Variants in CHL1 observed in about 807,000 individuals in gnomAD.
CHL1 encodes the protein neural cell adhesion molecule L1-like protein.
A neutral mutation model predicts 141.9 loss-of-function variants in CHL1; 96 were observed. That is an observed-to-expected ratio of 0.68 (90% confidence interval 0.57 to 0.80). The LOEUF is 0.80. Ranked by LOEUF, CHL1 falls within the 30% of genes least tolerant of loss-of-function variation. CHL1 has a pLI of 0.00. For missense variants in CHL1, 1,820 were observed against 1,457.2 expected (o/e 1.25, Z -4.05); for synonymous variants, 613 against 502.2 (o/e 1.22, Z -2.95).
intron 10 of CHL1, among the ~76,000 whole-genome samples, chr3:351,119 C>A (rs1409322151): frequency 6.6e-6 from 1 of 152,122 alleles, no homozygotes; most frequent in African/African-American, 2.4e-5. Flanking sequence ...AATATTTTAA[C>A]AATCTGGCCA....
chr3:241,429 C>CAGAAAACA (rs770487965), intron 1 of CHL1, among the ~76,000 whole-genome samples: 11 of 152,296 alleles, frequency 7.2e-5, no homozygotes, highest in African/African-American at 9.6e-5. Flanking sequence ...TGCTCATATT[C>CAGAAAACA]AGAAAACAAG....
chr3:258,659 G>A (rs138492395), intron 2 of CHL1, among the ~76,000 whole-genome samples: 30 of 151,988 alleles, frequency 2.0e-4, no homozygotes, highest in Non-Finnish European at 2.9e-4. Context: ...TTCCATCTTC[G>A]GACCTTGCCT....
intron 1 of CHL1, among the ~76,000 whole-genome samples, chr3:239,010 G>A (rs1692278751): frequency 6.6e-6 from 1 of 151,420 alleles, no homozygotes; most frequent in Non-Finnish European, 1.5e-5. Context: ...GCTCACACAT[G>A]TAGCTTATAT....
At chr3:263,258 A>T (rs1270634885) in intron 2 of CHL1, among the ~76,000 whole-genome samples, 1 of 152,056 alleles carries the variant, frequency 6.6e-6, no homozygotes, top group Non-Finnish European at 1.5e-5. Context: ...CAGTTGTAAG[A>T]GCTAATTCAA....
rs1709601743 is a variant in CHL1 at position 407,475 on chromosome 3, C to T, written c.*1764C>T. 2 of 152,074 alleles carry T rather than the reference C, an allele frequency of 1.3e-5. No individual in the cohort carries two copies. The highest frequency in any genetic ancestry group is 4.8e-5 in the African/African-American group (2 of 41,404). 9.4% of individuals were successfully genotyped at this position (152,074 alleles called of 1,614,324 possible). A position where few individuals can be genotyped will look rare whatever the true frequency, so the allele number is the denominator to read the frequency against. Reference sequence around the variant, plus strand: ...ATCTGACCGCAGTCCCGGGAGTAAGCATTTCAAAGGGGGAAGGCAGTGTGG... The same window carrying T: ...ATCTGACCGCAGTCCCGGGAGTAAGTATTTCAAAGGGGGAAGGCAGTGTGG... On this transcript the variant is annotated 3_prime_UTR_variant, in exon 28 of 28. Coordinates refer to ENST00000256509, the MANE Select transcript of CHL1 (RefSeq NM_006614.4).
intron 9 of CHL1, among the ~76,000 whole-genome samples, chr3:346,916 C>G (rs567606269): frequency 4.7e-4 from 72 of 152,188 alleles, no homozygotes; most frequent in African/African-American, 1.6e-3. Flanking sequence ...GTCTAATTGT[C>G]TAATACATTT....
rs750237538 is a variant in CHL1 at position 340,890 on chromosome 3, C to T, written c.482C>T (p.Pro161Leu). Residue 161 changes from proline to leucine, a missense_variant, in exon 6 of 28, where the codon CCT (proline) becomes CTT (leucine). Pro to Leu is a moderately conservative substitution (Grantham distance 98). Transcript: ENST00000256509. The part of the protein sequence containing the change: ...LPCNPPKGLP[P>L]LHIYWMNIEL... Reference sequence around the variant, plus strand: ...TGCAATCCTCCCAAAGGCCTCCCACCTTTACACATTTATTGGATGAATATT... The same window carrying T: ...TGCAATCCTCCCAAAGGCCTCCCACTTTTACACATTTATTGGATGAATATT... The T allele has an allele frequency of 3.1e-6, 5 of 1,612,928 alleles. No individual in the cohort carries two copies. Among genetic ancestry groups the T allele is most frequent in the East Asian group, 2.2e-5 (1 of 44,838 alleles).
chr3:381,774 G>C (rs569240457), intron 16 of CHL1, among the ~76,000 whole-genome samples: 6 of 152,226 alleles, frequency 3.9e-5, no homozygotes, highest in Non-Finnish European at 5.9e-5. Flanking sequence ...TCAGAACTCA[G>C]ACTTCAGTTT....
chr3:258,252 T>C (rs1260381221), intron 2 of CHL1, among the ~76,000 whole-genome samples: 1 of 152,200 alleles, frequency 6.6e-6, no homozygotes, highest in Non-Finnish European at 1.5e-5. Flanking sequence ...AAATCAATCA[T>C]ATTATTATGA....
intron 4 of CHL1, among the ~76,000 whole-genome samples, chr3:327,305 T>A (rs144743558): frequency 6.6e-6 from 1 of 151,902 alleles, no homozygotes; most frequent in African/African-American, 2.4e-5. Context: ...CTGAATACAA[T>A]CTAATTGGGA....
intron 15 of CHL1, among the ~76,000 whole-genome samples, chr3:368,066 A>G (rs2125306771): frequency 6.6e-6 from 1 of 152,240 alleles, no homozygotes; most frequent in East Asian, 1.9e-4. Flanking sequence ...ATATATGTGT[A>G]TGTGTCTTTA....
intron 2 of CHL1, among the ~76,000 whole-genome samples, chr3:311,040 CT>C (rs1221936055): frequency 6.6e-6 from 1 of 152,192 alleles, no homozygotes; most frequent in Non-Finnish European, 1.5e-5. Flanking sequence ...TCCTTCACCT[CT>C]TTTCATGGCT....
At chr3:291,456 C>CTTT (rs201416513) in intron 2 of CHL1, among the ~76,000 whole-genome samples, 1 of 146,162 alleles carries the variant, frequency 6.8e-6, no homozygotes, top group African/African-American at 2.5e-5. Flanking sequence ...TTTTCTTTTT[C>CTTT]TTTTTCTTTT....
In CHL1 at chr3:235,527, G is replaced by T. The variant is rs188140766; in HGVS notation, c.-174-9086G>T. Reference sequence around the variant, plus strand: ...AGAAGCTTGACATTGGTATTAACTTGCCCACAATTAACTGGTGTGATCAGG... The same window carrying T: ...AGAAGCTTGACATTGGTATTAACTTTCCCACAATTAACTGGTGTGATCAGG... On this transcript the variant is annotated intron_variant, in intron 1 of 27. Transcript: ENST00000256509. Among the ~76,000 whole-genome samples the T allele has an allele frequency of 8.5e-4, 130 of 152,208 alleles. 4 individuals carry two copies. In the East Asian group the frequency reaches 0.02, roughly 23 times the overall value.
chr3:226,168 G>C (rs1701326667), intron 1 of CHL1, among the ~76,000 whole-genome samples: 1 of 149,850 alleles, frequency 6.7e-6, no homozygotes, highest in South Asian at 2.1e-4. Context: ...CTACAGGCAT[G>C]CACCACTATG....
chr3:242,976 G>T (rs909111396), intron 1 of CHL1, among the ~76,000 whole-genome samples: 5 of 152,180 alleles, frequency 3.3e-5, no homozygotes, highest in Admixed American at 1.3e-4. Flanking sequence ...GGGACCCATT[G>T]GGAAGAGCCA....
chr3:368,496 C>G (rs1481734380), intron 15 of CHL1, among the ~76,000 whole-genome samples: 1 of 152,018 alleles, frequency 6.6e-6, no homozygotes, highest in Admixed American at 6.6e-5. Context: ...AATATTAGAC[C>G]TTTGTCAGAT....
intron 24 of CHL1, 111 bp downstream of exon 24, chr3:394,983 G>A (rs1422845287): frequency 1.1e-6 from 1 of 897,554 alleles, no homozygotes; most frequent in South Asian, 2.0e-5. Context: ...AATTAGAAAT[G>A]ATTGTGATCC....
chr3:286,602 C>A (rs1485946490), intron 2 of CHL1, among the ~76,000 whole-genome samples: 2 of 107,296 alleles, frequency 1.9e-5, no homozygotes, highest in African/African-American at 9.0e-5. Context: ...CAGAGTGAGA[C>A]TTTGTCTCAA....
Sources: gnomAD v4.1 joint callset for allele counts (sites outside exome capture counted in the v4.1 genomes callset) on GRCh38, gnomAD v4.1.1 for gene constraint, MANE v1.5 for transcripts, NCBI Gene and HGNC (gene_info 2026-07-23, HGNC 2026-07-21) for gene names.